Variants in ZNF560 observed in about 807,000 individuals in gnomAD.
ZNF560 encodes zinc finger protein 560.
Under a neutral mutation model 81.8 loss-of-function variants are expected in ZNF560, and 54 were observed. The ratio of observed to expected loss-of-function variants is 0.66; its 90% CI spans 0.53 to 0.83. The LOEUF (loss-of-function observed/expected upper bound fraction) is 0.83, where lower values mean the gene tolerates loss of function less well. Ranked by LOEUF, ZNF560 falls within the 40% of genes least tolerant of loss-of-function variation. The pLI, the probability that ZNF560 is intolerant of heterozygous loss-of-function variation, is 0.00. For missense variants in ZNF560, 940 were observed against 932.4 expected, an observed-to-expected ratio of 1.01 and a Z score of -0.11; for synonymous variants, 321 against 317.9, an observed-to-expected ratio of 1.01 and a Z score of -0.10.
chr19:9,486,480 C>A (rs1338906802), intron 2 of ZNF560, among the ~76,000 whole-genome samples: 1 of 152,132 alleles, frequency 6.6e-6, no homozygotes, highest in Admixed American at 6.6e-5. Flanking sequence ...TGGCTTACAC[C>A]TGTAATCCCA....
At chr19:9,486,748 AAAG>A (rs200442314) in intron 2 of ZNF560, among the ~76,000 whole-genome samples, 7,082 of 151,784 alleles carry the variant, frequency 0.047, 549 homozygotes, top group African/African-American at 0.16. Context: ...CTCAAAAAAA[AAAG>A]AAGAAAAGAA....
intron 2 of ZNF560, among the ~76,000 whole-genome samples, chr19:9,476,767 CCTCTTTT>C (rs1484387505): frequency 2.0e-5 from 3 of 152,150 alleles, no homozygotes; most frequent in Non-Finnish European, 2.9e-5. Flanking sequence ...GTTAATTAAA[CCTCTTTT>C]CTTTATAATT....
intron 2 of ZNF560, among the ~76,000 whole-genome samples, chr19:9,478,013 A>G (rs2073229199): frequency 1.3e-5 from 2 of 152,208 alleles, no homozygotes; most frequent in South Asian, 4.1e-4. Context: ...ACTGAGGAAA[A>G]TATATAAATA....
upstream of ZNF560, among the ~76,000 whole-genome samples, chr19:9,502,481 A>G (rs1327239142): frequency 6.6e-6 from 1 of 152,170 alleles, no homozygotes; most frequent in Non-Finnish European, 1.5e-5. Flanking sequence ...AAGTGCTGGG[A>G]TTACAGGCAT....
At chr19:9,489,279 A>G (rs1228545801) in intron 2 of ZNF560, among the ~76,000 whole-genome samples, 1 of 151,880 alleles carries the variant, frequency 6.6e-6, no homozygotes, top group Non-Finnish European at 1.5e-5. Flanking sequence ...CGCTTCCCAG[A>G]CAGTGCGGCG....
At chr19:9,452,017 A>G in the ZNF560 span, among the ~76,000 whole-genome samples, 1 of 152,114 alleles carries the variant, frequency 6.6e-6, no homozygotes, top group Non-Finnish European at 1.5e-5. Flanking sequence ...CGGAGGTTGC[A>G]GTGAGCTGAG....
chr19:9,473,242 G>A lies in ZNF560; in HGVS notation c.175C>T (p.Pro59Ser). 1 of 1,610,736 alleles carries A rather than the reference G, an allele frequency of 6.2e-7. No homozygotes were observed. Among genetic ancestry groups the A allele is most frequent in the Non-Finnish European group, 8.5e-7 (1 of 1,178,646 alleles). Residue 59 changes from proline to serine, a missense_variant, in exon 5 of 10, where the codon CCC (proline) becomes TCC (serine). By Grantham distance (74) the Pro-to-Ser change is moderately conservative (BLOSUM62 -1). Transcript: ENST00000301480. ...TCTTCCAACCAAGAGATGACACTGGGTTTAAAGAGCTGAAATCCTTTACAT... is the reference window on the plus strand; with the variant it reads ...TCTTCCAACCAAGAGATGACACTGGATTTAAAGAGCTGAAATCCTTTACAT... Reference protein sequence around the residue: ...VAKVGFQLFKPSVISWLEEEE... With the variant: ...VAKVGFQLFKSSVISWLEEEE...
chr19:9,506,411 GTTGT>G, the ZNF560 span, among the ~76,000 whole-genome samples: 51 of 90,658 alleles, frequency 5.6e-4, no homozygotes, highest in African/African-American at 1.9e-3. Context: ...GCACGCTTCT[GTTGT>G]TTTTTTTTTT....
At chr19:9,458,681 T>A in the ZNF560 span, among the ~76,000 whole-genome samples, 1 of 152,208 alleles carries the variant, frequency 6.6e-6, no homozygotes, top group Non-Finnish European at 1.5e-5. Flanking sequence ...CTGTAGGGAA[T>A]CAAATGGCTG....
At position 9,467,786 on chromosome 19, in the gene ZNF560, C is replaced by T. The variant is rs749549023; in HGVS notation, c.1161G>A (p.Val387=). 28 of 1,614,048 alleles carry T rather than the reference C, an allele frequency of 1.7e-5. No individual in the cohort carries two copies. The Admixed American group carries it at 4.2e-4, about 24-fold the overall frequency. ...GTACATGTTCAAGAAAGCCTGACGGCACAGTGAAGGTTTTGCCACAGTGCT... is the reference window on the plus strand; with the variant it reads ...GTACATGTTCAAGAAAGCCTGACGGTACAGTGAAGGTTTTGCCACAGTGCT... ...KCKHCGKTFT[V]PSGFLEHVRT... Residue 387 remains valine, a synonymous_variant, in exon 10 of 10, where the codon GTG becomes GTA. Coordinates refer to ENST00000301480, the MANE Select transcript of ZNF560 (RefSeq NM_152476.3).
intron 4 of ZNF560, among the ~76,000 whole-genome samples, chr19:9,473,805 G>A (rs999650267): frequency 2.0e-5 from 3 of 152,072 alleles, no homozygotes; most frequent in South Asian, 2.1e-4. Flanking sequence ...AATAAGGTAT[G>A]TTGTCAAACT....
the ZNF560 span, among the ~76,000 whole-genome samples, chr19:9,504,387 A>C: frequency 6.6e-6 from 1 of 152,202 alleles, no homozygotes; most frequent in Admixed American, 6.5e-5. Context: ...GTAAGCCGAA[A>C]TTGCACCCCT....
At chr19:9,496,002 A>G (rs2073552126) in intron 2 of ZNF560, among the ~76,000 whole-genome samples, 1 of 152,230 alleles carries the variant, frequency 6.6e-6, no homozygotes, top group Admixed American at 6.5e-5. Flanking sequence ...AGACCTATGG[A>G]TGGGAATTTA....
chr19:9,501,784 G>A (rs957570922), upstream of ZNF560, among the ~76,000 whole-genome samples: 2 of 152,192 alleles, frequency 1.3e-5, no homozygotes, highest in African/African-American at 4.8e-5. Context: ...ACAGGCATGA[G>A]CCACCACTCC....
chr19:9,493,141 G>A (rs899969774), intron 2 of ZNF560, among the ~76,000 whole-genome samples: 8 of 152,076 alleles, frequency 5.3e-5, no homozygotes, highest in African/African-American at 1.9e-4. Flanking sequence ...ACTTAGAAAG[G>A]TTAACAAAAA....
At chr19:9,505,897 CAT>C in the ZNF560 span, among the ~76,000 whole-genome samples, 1 of 152,042 alleles carries the variant, frequency 6.6e-6, no homozygotes, top group African/African-American at 2.4e-5. Flanking sequence ...CTCCTGACCT[CAT>C]GTGATCTGCC....
At chr19:9,483,161 C>A (rs2073320832) in intron 2 of ZNF560, among the ~76,000 whole-genome samples, 1 of 151,556 alleles carries the variant, frequency 6.6e-6, no homozygotes, top group African/African-American at 2.4e-5. Context: ...GCCTGGCTGC[C>A]CAGTCTGGGA....
intron 2 of ZNF560, among the ~76,000 whole-genome samples, chr19:9,482,637 CT>C: frequency 6.8e-6 from 1 of 146,090 alleles, no homozygotes; most frequent in African/African-American, 2.6e-5. Context: ...AAGAAAAGAC[CT>C]CCCCCTCCCC....
At chr19:9,496,706 G>A (rs2073564580) in intron 2 of ZNF560, among the ~76,000 whole-genome samples, 1 of 151,712 alleles carries the variant, frequency 6.6e-6, no homozygotes, top group African/African-American at 2.4e-5. Flanking sequence ...GGGAGGCTGA[G>A]GCAGGCGGAT....
Sources: gnomAD v4.1 joint callset for allele counts (sites outside exome capture counted in the v4.1 genomes callset) on GRCh38, gnomAD v4.1.1 for gene constraint, MANE v1.5 for transcripts, NCBI Gene and HGNC (gene_info 2026-07-23, HGNC 2026-07-21) for gene names.